The following SOBP variants were observed in gnomAD, a reference collection of about 807,000 sequenced individuals.
SOBP encodes the protein sine oculis-binding protein homolog.
Under a neutral mutation model 53.6 loss-of-function variants are expected in SOBP, and 4 were observed. The ratio of observed to expected loss-of-function variants is 0.07; its 90% CI spans 0.04 to 0.17. The LOEUF (loss-of-function observed/expected upper bound fraction) is 0.17. SOBP is among the 10% of genes least tolerant of loss of function. The pLI is 1.00. For synonymous variants in SOBP, 584 were observed against 522.6 expected (o/e 1.12, Z -1.60); for missense variants, 1,088 against 1,204.7 (o/e 0.90, Z 1.43).
intron 5 of SOBP, among the ~76,000 whole-genome samples, chr6:107,626,514 G>A (rs910301415): frequency 1.3e-5 from 2 of 152,188 alleles, no homozygotes; most frequent in African/African-American, 4.8e-5. Flanking sequence ...TGTGCCTCCA[G>A]TTTCCTGGGG....
intron 5 of SOBP, among the ~76,000 whole-genome samples, chr6:107,602,134 A>G (rs945102260): frequency 6.6e-6 from 1 of 152,222 alleles, no homozygotes; most frequent in African/African-American, 2.4e-5. Flanking sequence ...AGCAATTTCC[A>G]TTAACTTTTT....
chr6:107,601,452 T>G (rs1399131601), intron 5 of SOBP, among the ~76,000 whole-genome samples: 2 of 152,236 alleles, frequency 1.3e-5, no homozygotes, highest in Non-Finnish European at 2.9e-5. Context: ...AGCAAGACAT[T>G]AGGTTTAAAA....
intron 4 of SOBP, among the ~76,000 whole-genome samples, chr6:107,584,773 A>G (rs1345264926): frequency 1.3e-5 from 2 of 148,818 alleles, no homozygotes; most frequent in African/African-American, 5.0e-5. Flanking sequence ...GAGGAAGCAT[A>G]TTCAAATATT....
At chr6:107,565,764 A>G (rs942402638) in intron 4 of SOBP, among the ~76,000 whole-genome samples, 1 of 152,238 alleles carries the variant, frequency 6.6e-6, no homozygotes, top group Non-Finnish European at 1.5e-5. Context: ...TCATCTGAGT[A>G]TCCAGATTAA....
At chr6:107,602,586 AAG>A (rs1554186453) in intron 5 of SOBP, among the ~76,000 whole-genome samples, 2 of 151,238 alleles carry the variant, frequency 1.3e-5, no homozygotes, top group East Asian at 3.9e-4. Context: ...AAAAAAAAAA[AAG>A]GAAAGGGAAA....
chr6:107,574,927 C>G (rs971660078), intron 4 of SOBP, among the ~76,000 whole-genome samples: 6 of 152,210 alleles, frequency 3.9e-5, no homozygotes, highest in African/African-American at 1.4e-4. Context: ...CGAGTTACCT[C>G]TCACCCACAA....
chr6:107,576,032 A>G (rs746595562), intron 4 of SOBP, among the ~76,000 whole-genome samples: 12 of 152,168 alleles, frequency 7.9e-5, no homozygotes, highest in Non-Finnish European at 1.5e-4. Flanking sequence ...TTGGCTCCTC[A>G]GAGAGGCTCA....
intron 3 of SOBP, among the ~76,000 whole-genome samples, chr6:107,527,212 A>C (rs1410826154): frequency 6.6e-6 from 1 of 152,268 alleles, no homozygotes; most frequent in African/African-American, 2.4e-5. Context: ...TTAATGTAAT[A>C]ATTACAAAGA....
intron 5 of SOBP, among the ~76,000 whole-genome samples, chr6:107,616,082 G>A (rs1232787944): frequency 9.8e-6 from 1 of 102,038 alleles, no homozygotes; most frequent in African/African-American, 4.9e-5. Flanking sequence ...GAGGAAGGGG[G>A]GTGGGGGGGG....
intron 4 of SOBP, among the ~76,000 whole-genome samples, chr6:107,535,638 T>G (rs1783972892): frequency 7.7e-6 from 1 of 129,334 alleles, no homozygotes; most frequent in South Asian, 2.2e-4. Flanking sequence ...TGTGTGTGTG[T>G]TTTTTTTTTT....
At chr6:107,611,661 A>T (rs1562099678) in intron 5 of SOBP, among the ~76,000 whole-genome samples, 1 of 152,128 alleles carries the variant, frequency 6.6e-6, no homozygotes, top group Non-Finnish European at 1.5e-5. Flanking sequence ...TCAGCCACTG[A>T]TGTCAGGGTA....
At chr6:107,639,215 TA>T (rs1273580648) in intron 6 of SOBP, among the ~76,000 whole-genome samples, 1 of 152,206 alleles carries the variant, frequency 6.6e-6, no homozygotes. Flanking sequence ...TAGTACTGTT[TA>T]AAAAAATCAT....
At chr6:107,624,807 G>A (rs1770385240) in intron 5 of SOBP, among the ~76,000 whole-genome samples, 1 of 152,204 alleles carries the variant, frequency 6.6e-6, no homozygotes, top group South Asian at 2.1e-4. Context: ...CAAGCTTGCT[G>A]TGGGAGATAG....
intron 2 of SOBP, 106 bp downstream of exon 2, chr6:107,503,901 G>A (rs1010367790): frequency 7.5e-6 from 10 of 1,336,494 alleles, no homozygotes; most frequent in Non-Finnish European, 9.6e-6. Flanking sequence ...TGTTGATTAT[G>A]CCAATGGTTG....
At chr6:107,566,071 G>C (rs1784908792) in intron 4 of SOBP, among the ~76,000 whole-genome samples, 1 of 152,222 alleles carries the variant, frequency 6.6e-6, no homozygotes, top group Admixed American at 6.5e-5. Flanking sequence ...AGGGTGAAAG[G>C]CTATGAACTA....
intron 6 of SOBP, among the ~76,000 whole-genome samples, chr6:107,644,554 G>A (rs1008430160): frequency 6.6e-6 from 1 of 152,140 alleles, no homozygotes; most frequent in Non-Finnish European, 1.5e-5. Flanking sequence ...TCCAAACGCA[G>A]AATCCATTTA....
intron 4 of SOBP, among the ~76,000 whole-genome samples, chr6:107,579,558 C>T (rs1785339587): frequency 6.6e-6 from 1 of 152,134 alleles, no homozygotes; most frequent in Non-Finnish European, 1.5e-5. Context: ...GTATTTCAGG[C>T]TGATGTGGAA....
chr6:107,607,867 T>G (rs1786445533), intron 5 of SOBP, among the ~76,000 whole-genome samples: 1 of 152,220 alleles, frequency 6.6e-6, no homozygotes, highest in African/African-American at 2.4e-5. Flanking sequence ...AGAATCTTAA[T>G]GGCTGCTGGA....
chr6:107,551,991 A>C (rs913848161), intron 4 of SOBP, among the ~76,000 whole-genome samples: 2 of 152,218 alleles, frequency 1.3e-5, no homozygotes, highest in Non-Finnish European at 2.9e-5. Context: ...ACTGCACTCC[A>C]GCCTGGGCAT....
Sources: gnomAD v4.1 joint callset for allele counts (sites outside exome capture counted in the v4.1 genomes callset) on GRCh38, gnomAD v4.1.1 for gene constraint, MANE v1.5 for transcripts, NCBI Gene and HGNC (gene_info 2026-07-23, HGNC 2026-07-21) for gene names.